The following MBTPS2 variants were observed in gnomAD, a reference collection of about 807,000 sequenced individuals.
The protein encoded by MBTPS2 is membrane-bound transcription factor site-2 protease.
A neutral mutation model predicts 35.4 loss-of-function variants in MBTPS2; 2 were observed. The observed-to-expected ratio is 0.06, with a 90% confidence interval of 0.02 to 0.18. The LOEUF (loss-of-function observed/expected upper bound fraction) is 0.18, where lower values mean the gene tolerates loss of function less well. Ranked by LOEUF, MBTPS2 falls within the 10% of genes least tolerant of loss-of-function variation. The pLI is 1.00. For synonymous variants in MBTPS2, 125 were observed against 140.4 expected (o/e 0.89, Z 0.77); for missense variants, 244 against 386.5 (o/e 0.63, Z 3.09).
At chrX:21,855,215 C>T (rs1961487837) in intron 5 of MBTPS2, among the ~76,000 whole-genome samples, 1 of 110,611 alleles carries the variant, frequency 9.0e-6, no homozygotes, top group Admixed American at 9.6e-5. Flanking sequence ...TGAGAAAAAG[C>T]ATCTAAAGAC....
intron 10 of MBTPS2, among the ~76,000 whole-genome samples, chrX:21,882,011 C>T (rs2092960041): frequency 8.9e-6 from 1 of 112,221 alleles, no homozygotes; most frequent in Non-Finnish European, 1.9e-5. Context: ...TATAACCTTA[C>T]AGAGGGTAGT....
rs1024027608 is a variant in MBTPS2 at position 21,851,573 on chromosome X, G to C, written c.503G>C (p.Gly168Ala). 1.7e-6 allele frequency: 2 copies of C among 1,206,670 alleles called. No homozygotes were observed. The highest frequency in any genetic ancestry group is 1.7e-5 in the African/African-American group (1 of 57,577). The change falls in exon 4 of 11, where the codon GGT (glycine) becomes GCT (alanine). Residue 168 changes from glycine to alanine, a missense_variant. Coordinates refer to ENST00000379484, the MANE Select transcript of MBTPS2 (RefSeq NM_015884.4). ...TTCTTCACGGCAGTTCTCATTAGTG[G>C]TGTTGTACATGAAATTGGACATGGG... ...TYFFTAVLISGVVHEIGHGIA... is the reference protein window; with the variant it reads ...TYFFTAVLISAVVHEIGHGIA...
intron 5 of MBTPS2, among the ~76,000 whole-genome samples, chrX:21,867,004 G>A (rs1340344443): frequency 5.3e-5 from 5 of 94,515 alleles, no homozygotes; most frequent in East Asian, 6.6e-4. Flanking sequence ...GCAACAGAGC[G>A]TGACTCTGTC....
chrX:21,864,296 C>T (rs1276600850), intron 5 of MBTPS2, among the ~76,000 whole-genome samples: 1 of 111,903 alleles, frequency 8.9e-6, no homozygotes, highest in African/African-American at 3.2e-5. Flanking sequence ...TGCAATGGCA[C>T]GATCTTGGCT....
In MBTPS2 at chrX:21,883,889, A is replaced by C; in HGVS notation, c.*1234A>C. 1 of 754,415 alleles carries C rather than the reference A, an allele frequency of 1.3e-6. No individual in the cohort carries two copies. The highest frequency in any genetic ancestry group is 1.6e-6 in the Non-Finnish European group (1 of 639,456). 62.2% of individuals were successfully genotyped at this position (754,415 alleles called of 1,213,427 possible). ...GCAGCCCTGGGAAATTTGGGGAGTC[A>C]GCAGGCCAGTGTGAAGCTATTGGTC... On this transcript the variant is annotated 3_prime_UTR_variant, in exon 11 of 11. Coordinates refer to ENST00000379484, the MANE Select transcript of MBTPS2 (RefSeq NM_015884.4).
rs1015569772 is a variant in MBTPS2 at position 21,885,329 on chromosome X, A to G, written c.*2674A>G. 2 of 748,894 alleles carry G rather than the reference A, an allele frequency of 2.7e-6. No homozygotes were observed. Among genetic ancestry groups the G allele is most frequent in the African/African-American group, 4.6e-5 (2 of 43,142 alleles). The allele number at this position is 748,894 out of a possible 1,213,427, so 61.7% of individuals were successfully genotyped here. ...TCTATAAATCTTCTGACTGTCCTGTAATTCATTCTTAAGCTTTAACTTGAA... is the reference window on the plus strand; with the variant it reads ...TCTATAAATCTTCTGACTGTCCTGTGATTCATTCTTAAGCTTTAACTTGAA... On this transcript the variant is annotated 3_prime_UTR_variant, in exon 11 of 11. Coordinates refer to ENST00000379484, the MANE Select transcript of MBTPS2 (RefSeq NM_015884.4).
Position 21,839,803 on chromosome X carries a change from G to A in MBTPS2, c.69G>A (p.Val23=). The change falls in exon 1 of 11, where the codon GTG becomes GTA. Residue 23 remains valine (V), a synonymous_variant. Coordinates refer to ENST00000379484, the MANE Select transcript of MBTPS2 (RefSeq NM_015884.4). ...GWTVVYLTDL[V]LKSSVYFKHS... ...CTGTCGTCTACCTGACCGACTTGGTGCTGAAGGTGAGGGCCTTGGGCCTAA... is the reference window on the plus strand; with the variant it reads ...CTGTCGTCTACCTGACCGACTTGGTACTGAAGGTGAGGGCCTTGGGCCTAA... 1 of 1,193,388 alleles carries A rather than the reference G, an allele frequency of 8.4e-7. No individual in the cohort carries two copies. Among genetic ancestry groups the A allele is most frequent in the Non-Finnish European group, 1.1e-6 (1 of 885,554 alleles).
chrX:21,884,187 C>T lies in MBTPS2; in HGVS notation c.*1532C>T. 1.4e-6 allele frequency: 1 copy of T among 697,490 alleles called. No homozygotes were observed. Among genetic ancestry groups the T allele is most frequent in the Non-Finnish European group, 1.7e-6 (1 of 587,576 alleles). 57.5% of individuals were successfully genotyped at this position (697,490 alleles called of 1,213,427 possible). ...TATAATTTTAACATTTTATTAATGA[C>T]TTGGGTCATCAGTTAATACCAGTAC... is the stretch of plus-strand genomic sequence containing the variant. On this transcript the variant is annotated 3_prime_UTR_variant, in exon 11 of 11. Transcript: ENST00000379484.
At chrX:21,850,231 T>C (rs2092913405) in intron 3 of MBTPS2, among the ~76,000 whole-genome samples, 1 of 111,209 alleles carries the variant, frequency 9.0e-6, no homozygotes, top group Admixed American at 9.6e-5. Flanking sequence ...AGTGTAGCTA[T>C]TAAAAATCAT....
At chrX:21,863,734 T>C (rs1256857578) in intron 5 of MBTPS2, among the ~76,000 whole-genome samples, 1 of 111,793 alleles carries the variant, frequency 8.9e-6, no homozygotes, top group Non-Finnish European at 1.9e-5. Context: ...GCTTATTAAA[T>C]GGTATAGAAC....
intron 5 of MBTPS2, chrX:21,858,804 A>G (rs1195718379): frequency 2.8e-5 from 3 of 105,847 alleles, no homozygotes; most frequent in Admixed American, 1.1e-4. Context: ...TGGGAGGATC[A>G]CTGGAGCTGG....
At chrX:21,846,374 T>C (rs1240539445) in intron 3 of MBTPS2, among the ~76,000 whole-genome samples, 1 of 111,292 alleles carries the variant, frequency 9.0e-6, no homozygotes, top group Non-Finnish European at 1.9e-5. Flanking sequence ...TTATTATCAT[T>C]ATTATTATTA....
At chrX:21,859,797 C>T (rs1210710065) in intron 5 of MBTPS2, among the ~76,000 whole-genome samples, 4 of 111,610 alleles carry the variant, frequency 3.6e-5, no homozygotes, top group Admixed American at 9.5e-5. Flanking sequence ...ATTATTTGGC[C>T]AAAATGCCAA....
chrX:21,880,434 T>C (rs1171081155), intron 9 of MBTPS2, among the ~76,000 whole-genome samples: 1 of 110,927 alleles, frequency 9.0e-6, no homozygotes, highest in Non-Finnish European at 1.9e-5. Flanking sequence ...GTACTGTGAG[T>C]TCTGACTAAT....
At chrX:21,856,176 C>G (rs1602141962) in intron 5 of MBTPS2, 2 of 290,786 alleles carry the variant, frequency 6.9e-6, no homozygotes, top group Non-Finnish European at 1.2e-5. Context: ...TACGCGGGCA[C>G]GTGCACGTGC....
At chrX:21,861,411 T>C (rs960337656) in intron 5 of MBTPS2, among the ~76,000 whole-genome samples, 5 of 112,090 alleles carry the variant, frequency 4.5e-5, no homozygotes, top group African/African-American at 1.6e-4. Context: ...TATGAAAAGG[T>C]TAAAACACCC....
intron 5 of MBTPS2, among the ~76,000 whole-genome samples, chrX:21,860,932 C>A (rs1343552031): frequency 5.4e-5 from 6 of 111,925 alleles, no homozygotes; most frequent in Non-Finnish European, 1.1e-4. Flanking sequence ...GTACAAGGAA[C>A]TATTTGATCA....
chrX:21,853,468 T>A lies in MBTPS2; in HGVS notation c.635T>A (p.Ile212Lys), dbSNP rs748348333. 1 of 1,208,991 alleles carries A rather than the reference T, an allele frequency of 8.3e-7. No homozygotes were observed. The highest frequency in any genetic ancestry group is 1.1e-6 in the Non-Finnish European group (1 of 893,068). The change falls in exon 5 of 11, where the codon ATA becomes AAA. Residue 212 changes from isoleucine (I) to lysine (K), a missense_variant. Physicochemically the swap from Ile to Lys is moderately radical, Grantham distance 102. Coordinates refer to ENST00000379484, the MANE Select transcript of MBTPS2 (RefSeq NM_015884.4). ...VDLFTTHLQLISPVQQLRIFC... is the reference protein window; with the variant it reads ...VDLFTTHLQLKSPVQQLRIFC... ...CTGTTCACCACTCATTTGCAACTTA[T>A]ATCGCCAGTCCAGCAGCTAAGGATA...
intron 5 of MBTPS2, among the ~76,000 whole-genome samples, chrX:21,867,383 G>A (rs749724123): frequency 1.8e-5 from 2 of 111,160 alleles, no homozygotes; most frequent in South Asian, 7.5e-4. Context: ...ATTCCAAATG[G>A]TAAAAGATTT....
Sources: allele counts gnomAD v4.1 joint callset (sites outside exome capture counted in the v4.1 genomes callset), GRCh38; gene constraint gnomAD v4.1.1; transcripts MANE v1.5; gene names NCBI Gene and HGNC (gene_info 2026-07-23, HGNC 2026-07-21).